The following CDH13 variants were observed in gnomAD, a reference collection of about 807,000 sequenced individuals.
The protein encoded by CDH13 is cadherin 13.
Under a neutral mutation model 63.8 loss-of-function variants are expected in CDH13, and 24 were observed. That is an observed-to-expected ratio of 0.38 (90% confidence interval 0.27 to 0.53). The LOEUF is 0.53. Among genes scored for constraint, CDH13 ranks in the 20% least tolerant of loss-of-function variants. The probability of loss-of-function intolerance (pLI) is 0.85; values close to 1 mark genes in which losing one functional copy is unlikely to be tolerated. For synonymous variants in CDH13, 503 were observed against 355.3 expected (o/e 1.42, Z -4.67); for missense variants, 1,049 against 903.1 (o/e 1.16, Z -2.07).
chr16:82,993,387 T>A (rs951201062), intron 2 of CDH13, among the ~76,000 whole-genome samples: 24 of 152,166 alleles, frequency 1.6e-4, no homozygotes, highest in African/African-American at 5.5e-4. Flanking sequence ...AGGTTTTGAG[T>A]TACCACTGGC....
intron 6 of CDH13, among the ~76,000 whole-genome samples, chr16:83,462,393 C>T (rs1349347901): frequency 2.0e-5 from 3 of 152,202 alleles, no homozygotes; most frequent in African/African-American, 4.8e-5. Flanking sequence ...CTCTGAATTT[C>T]AGTTTCTAGC....
At chr16:83,370,388 A>C (rs1380217061) in intron 6 of CDH13, among the ~76,000 whole-genome samples, 3 of 100,802 alleles carry the variant, frequency 3.0e-5, no homozygotes, top group East Asian at 4.1e-4. Flanking sequence ...ACTCCATTTC[A>C]AAAAAAAAAA....
At chr16:83,330,783 G>C (rs1350624515) in intron 5 of CDH13, among the ~76,000 whole-genome samples, 2 of 152,180 alleles carry the variant, frequency 1.3e-5, no homozygotes, top group African/African-American at 4.8e-5. Context: ...GGTTGGAACA[G>C]GGGACTTGGT....
chr16:83,217,989 A>G (rs1354144689), intron 5 of CDH13, among the ~76,000 whole-genome samples: 5 of 152,232 alleles, frequency 3.3e-5, no homozygotes, highest in Non-Finnish European at 7.3e-5. Context: ...GTTGTGTTAT[A>G]TGGGAGAGAT....
intron 7 of CDH13, among the ~76,000 whole-genome samples, chr16:83,503,511 A>G (rs554666116): frequency 7.2e-5 from 11 of 152,250 alleles, no homozygotes; most frequent in African/African-American, 2.4e-4. Context: ...GAAAGGAGAC[A>G]TAGCTAGGGA....
chr16:82,731,124 G>A (rs1310041656), intron 1 of CDH13, among the ~76,000 whole-genome samples: 1 of 152,162 alleles, frequency 6.6e-6, no homozygotes, highest in Non-Finnish European at 1.5e-5. Context: ...TTATATGACA[G>A]GAACTGGCAA....
intron 2 of CDH13, among the ~76,000 whole-genome samples, chr16:83,007,264 C>A (rs571607093): frequency 1.2e-3 from 184 of 152,276 alleles, no homozygotes; most frequent in Middle Eastern, 0.01. Flanking sequence ...TGTTCATTGA[C>A]ACATTACTCT....
intron 6 of CDH13, among the ~76,000 whole-genome samples, chr16:83,472,379 G>A (rs2073478769): frequency 6.6e-6 from 1 of 152,224 alleles, no homozygotes; most frequent in African/African-American, 2.4e-5. Context: ...TTAACAAAGG[G>A]GAATTGATGA....
intron 2 of CDH13, among the ~76,000 whole-genome samples, chr16:82,943,367 A>C (rs1460345780): frequency 6.6e-6 from 1 of 152,214 alleles, no homozygotes; most frequent in African/African-American, 2.4e-5. Context: ...GTGAAAATCT[A>C]ATTTTGGCAA....
At chr16:83,326,946 C>G (rs1401647318) in intron 5 of CDH13, among the ~76,000 whole-genome samples, 1 of 152,164 alleles carries the variant, frequency 6.6e-6, no homozygotes, top group African/African-American at 2.4e-5. Flanking sequence ...AAGAAACTAA[C>G]AGAATGCATC....
rs570788038 is a variant in CDH13 at position 83,068,236 on chromosome 16, T to A, written c.366+36018T>A. On this transcript the variant is annotated intron_variant, in intron 3 of 13. Coordinates refer to ENST00000567109, the MANE Select transcript of CDH13 (RefSeq NM_001257.5). ...TAAGTGCCAGACATCATTCTAATCA[T>A]TTTATAGGCATTATCTCACTTAGTG... Among the ~76,000 whole-genome samples, 5 of 152,340 alleles carry A rather than the reference T, an allele frequency of 3.3e-5. No individual in the cohort carries two copies. The South Asian group carries it at 8.3e-4, about 25-fold the overall frequency.
intron 5 of CDH13, among the ~76,000 whole-genome samples, chr16:83,261,085 A>C (rs1302031896): frequency 6.6e-6 from 1 of 152,120 alleles, no homozygotes; most frequent in Admixed American, 6.5e-5. Context: ...CTTGGCTCAC[A>C]GGTCCACTCC....
intron 1 of CDH13, among the ~76,000 whole-genome samples, chr16:82,703,198 A>G (rs751806398): frequency 3.5e-5 from 5 of 144,536 alleles, no homozygotes; most frequent in Non-Finnish European, 7.5e-5. Flanking sequence ...CACACACTGG[A>G]TGTATACTAC....
chr16:83,217,694 G>A (rs147224638), intron 5 of CDH13, among the ~76,000 whole-genome samples, 197 bp downstream of exon 5: 22 of 152,230 alleles, frequency 1.4e-4, no homozygotes, highest in African/African-American at 5.1e-4. Flanking sequence ...CTCATCAGTA[G>A]AGCCCTCCAG....
intron 2 of CDH13, among the ~76,000 whole-genome samples, chr16:83,024,039 A>G (rs1915581853): frequency 1.3e-5 from 2 of 152,152 alleles, no homozygotes; most frequent in Non-Finnish European, 2.9e-5. Flanking sequence ...TATTAAATAA[A>G]TTATTTCTTA....
intron 3 of CDH13, among the ~76,000 whole-genome samples, chr16:83,115,973 C>T (rs1190652120): frequency 6.6e-6 from 1 of 152,210 alleles, no homozygotes; most frequent in Non-Finnish European, 1.5e-5. Flanking sequence ...CCGGGTCAAG[C>T]TGCGTCTGGC....
chr16:83,044,449 G>A (rs754276612), intron 3 of CDH13, among the ~76,000 whole-genome samples: 5 of 152,158 alleles, frequency 3.3e-5, no homozygotes, highest in African/African-American at 4.8e-5. Flanking sequence ...GCCCTGTATT[G>A]TCATGACACA....
At chr16:83,708,033 A>G (rs1446495790) in intron 10 of CDH13, among the ~76,000 whole-genome samples, 1 of 152,134 alleles carries the variant, frequency 6.6e-6, no homozygotes, top group Non-Finnish European at 1.5e-5. Flanking sequence ...CCAGGGCACC[A>G]GAAGGCATGA....
intron 8 of CDH13, among the ~76,000 whole-genome samples, chr16:83,603,309 C>T (rs1908023008): frequency 6.6e-6 from 1 of 152,192 alleles, no homozygotes; most frequent in African/African-American, 2.4e-5. Context: ...TTCTTACTGA[C>T]CAAGTGAAGA....
Sources: gnomAD v4.1 joint callset for allele counts (sites outside exome capture counted in the v4.1 genomes callset) on GRCh38, gnomAD v4.1.1 for gene constraint, MANE v1.5 for transcripts, NCBI Gene and HGNC (gene_info 2026-07-23, HGNC 2026-07-21) for gene names.